The following RCAN2 variants were observed in gnomAD, a reference collection of about 807,000 sequenced individuals.
The protein encoded by RCAN2 is regulator of calcineurin 2, also known as calcipressin-2.
In RCAN2, 9 loss-of-function variants were observed where a neutral mutation model predicts 23.6. The ratio of observed to expected loss-of-function variants is 0.38; its 90% CI spans 0.23 to 0.67. The LOEUF (loss-of-function observed/expected upper bound fraction) is 0.67. RCAN2 is among the 30% of genes least tolerant of loss of function. RCAN2 has a pLI of 0.51. For synonymous variants in RCAN2, 109 were observed against 115.7 expected (o/e 0.94, Z 0.37); for missense variants, 273 against 302.3 (o/e 0.90, Z 0.72).
At chr6:46,453,221 T>C (rs1013909635) in intron 2 of RCAN2, among the ~76,000 whole-genome samples, 5 of 151,522 alleles carry the variant, frequency 3.3e-5, no homozygotes, top group African/African-American at 1.2e-4. Flanking sequence ...TGTTGGACAC[T>C]GTGAAGATCA....
chr6:46,437,274 GT>G (rs1208394698), intron 2 of RCAN2, among the ~76,000 whole-genome samples: 1 of 152,176 alleles, frequency 6.6e-6, no homozygotes, highest in Non-Finnish European at 1.5e-5. Context: ...ACAGTTTACA[GT>G]TTAGATGCTT....
At chr6:46,260,765 A>C (rs1767086854) in intron 2 of RCAN2, among the ~76,000 whole-genome samples, 1 of 152,164 alleles carries the variant, frequency 6.6e-6, no homozygotes, top group Non-Finnish European at 1.5e-5. Context: ...GACACTTCTA[A>C]GTCTCCCAAT....
intron 2 of RCAN2, among the ~76,000 whole-genome samples, chr6:46,421,506 G>T (rs896021590): frequency 6.6e-6 from 1 of 152,338 alleles, no homozygotes; most frequent in Middle Eastern, 3.4e-3. Flanking sequence ...TTAAATTTAA[G>T]ATGACAGTGA....
intron 2 of RCAN2, among the ~76,000 whole-genome samples, chr6:46,278,824 T>A (rs1767802800): frequency 6.6e-6 from 1 of 152,206 alleles, no homozygotes; most frequent in Non-Finnish European, 1.5e-5. Flanking sequence ...GTTGCAAATA[T>A]TTTAAAATTC....
At chr6:46,289,443 A>T (rs1363934839) in intron 2 of RCAN2, among the ~76,000 whole-genome samples, 1 of 152,242 alleles carries the variant, frequency 6.6e-6, no homozygotes, top group East Asian at 1.9e-4. Flanking sequence ...AAGTAAATAA[A>T]TCATCAGTTT....
At chr6:46,397,010 C>T (rs1191812700) in intron 2 of RCAN2, among the ~76,000 whole-genome samples, 1 of 151,972 alleles carries the variant, frequency 6.6e-6, no homozygotes, top group Non-Finnish European at 1.5e-5. Flanking sequence ...ACTAGGGAGA[C>T]TGAGGTGGGA....
chr6:46,341,882 C>T (rs2396639), intron 2 of RCAN2, among the ~76,000 whole-genome samples: 63,744 of 151,536 alleles, frequency 0.42, 14,774 homozygotes, highest in East Asian at 0.6. Context: ...TGTGGTAAAT[C>T]AAAAAGCTAG....
At chr6:46,281,298 A>G (rs1300755741) in intron 2 of RCAN2, among the ~76,000 whole-genome samples, 1 of 152,202 alleles carries the variant, frequency 6.6e-6, no homozygotes, top group Non-Finnish European at 1.5e-5. Context: ...CACGAGCAGA[A>G]TTTCTCAAAC....
intron 2 of RCAN2, among the ~76,000 whole-genome samples, chr6:46,275,575 G>T (rs6916931): frequency 0.78 from 119,258 of 151,984 alleles, 47,096 homozygotes; most frequent in Non-Finnish European, 0.83. Flanking sequence ...AATCTTTTTT[G>T]TTGGCTTGGT....
At chr6:46,303,741 T>C (rs1266120328) in intron 2 of RCAN2, among the ~76,000 whole-genome samples, 1 of 152,138 alleles carries the variant, frequency 6.6e-6, no homozygotes, top group African/African-American at 2.4e-5. Context: ...GTAAATGGAA[T>C]GATAAGCATG....
intron 2 of RCAN2, among the ~76,000 whole-genome samples, chr6:46,262,134 T>G (rs931998812): frequency 1.3e-5 from 2 of 152,130 alleles, no homozygotes; most frequent in South Asian, 2.1e-4. Context: ...GTGTCTTTGA[T>G]GTAATGGCCC....
intron 2 of RCAN2, among the ~76,000 whole-genome samples, chr6:46,348,111 C>T (rs1764543630): frequency 6.6e-6 from 1 of 152,016 alleles, no homozygotes; most frequent in African/African-American, 2.4e-5. Context: ...ATCTAGTAAC[C>T]CAATTGAAAT....
chr6:46,330,089 A>G (rs1763917453), intron 2 of RCAN2, among the ~76,000 whole-genome samples: 1 of 152,214 alleles, frequency 6.6e-6, no homozygotes, highest in Admixed American at 6.5e-5. Flanking sequence ...TTTCAAATAT[A>G]TTCAGCAGAA....
intron 4 of RCAN2, among the ~76,000 whole-genome samples, chr6:46,225,024 T>C (rs1194482457): frequency 6.8e-6 from 1 of 147,538 alleles, no homozygotes; most frequent in Non-Finnish European, 1.5e-5. Context: ...TGAGTGAGAA[T>C]ATGTGGTGTT....
At position 46,248,860 on chromosome 6, in the gene RCAN2, A is replaced by G. The variant is rs1376246810; in HGVS notation, c.262T>C (p.Cys88Arg). ...CTCTTAAATAGCTGGAACGTCACAC[A>G]GTCATCATAAGTCCGAAACAGTCCC... Reference protein sequence around the residue: ...FEGLFRTYDDCVTFQLFKSFR... With the variant: ...FEGLFRTYDDRVTFQLFKSFR... The change falls in exon 3 of 5, where the codon TGT becomes CGT. Residue 88 changes from cysteine (C) to arginine (R), a missense_variant. Cys to Arg is a radical substitution (Grantham distance 180, BLOSUM62 -3). Coordinates refer to ENST00000371374, the MANE Select transcript of RCAN2 (RefSeq NM_001251974.2). 6.2e-7 allele frequency: 1 copy of G among 1,610,472 alleles called. No individual in the cohort carries two copies. The highest frequency in any genetic ancestry group is 8.5e-7 in the Non-Finnish European group (1 of 1,179,140).
chr6:46,374,573 T>C (rs1013851943), intron 2 of RCAN2, among the ~76,000 whole-genome samples: 2 of 152,220 alleles, frequency 1.3e-5, no homozygotes, highest in African/African-American at 4.8e-5. Flanking sequence ...TGTAGCCCTA[T>C]GGATCTAAAA....
chr6:46,312,316 G>A (rs1410153188), intron 2 of RCAN2, among the ~76,000 whole-genome samples: 1 of 152,188 alleles, frequency 6.6e-6, no homozygotes, highest in African/African-American at 2.4e-5. Flanking sequence ...ATGTGCATGT[G>A]TATTTGCTCT....
intron 2 of RCAN2, among the ~76,000 whole-genome samples, chr6:46,313,685 C>T (rs1474913386): frequency 6.6e-6 from 1 of 152,168 alleles, no homozygotes; most frequent in Non-Finnish European, 1.5e-5. Context: ...ACTTGTATCT[C>T]TCCTCTATTG....
At chr6:46,379,389 C>A (rs1041939448) in intron 2 of RCAN2, among the ~76,000 whole-genome samples, 7 of 152,086 alleles carry the variant, frequency 4.6e-5, no homozygotes, top group African/African-American at 1.4e-4. Flanking sequence ...AGGAACACAG[C>A]CACATCAGCT....
Sources: gnomAD v4.1 joint callset for allele counts (sites outside exome capture counted in the v4.1 genomes callset) on GRCh38, gnomAD v4.1.1 for gene constraint, MANE v1.5 for transcripts, NCBI Gene and HGNC (gene_info 2026-07-23, HGNC 2026-07-21) for gene names.